Variants in PCDH11X observed in about 807,000 individuals in gnomAD.
PCDH11X encodes the protein protocadherin-11 X-linked.
Under a neutral mutation model 53.3 loss-of-function variants are expected in PCDH11X, and 18 were observed. The ratio of observed to expected loss-of-function variants is 0.34; its 90% confidence interval spans 0.23 to 0.50. PCDH11X has a LOEUF of 0.50. Among genes scored for constraint, PCDH11X ranks in the 20% least tolerant of loss-of-function variants. The pLI is 0.98. For synonymous variants in PCDH11X, 279 were observed against 393.3 expected, an observed-to-expected ratio of 0.71 and a Z score of 3.44; for missense variants, 570 against 1,032.4, an observed-to-expected ratio of 0.55 and a Z score of 6.14.
chrX:92,439,421 A>G (rs2072462536), intron 9 of PCDH11X, among the ~76,000 whole-genome samples: 1 of 111,143 alleles, frequency 9.0e-6, no homozygotes, highest in South Asian at 3.8e-4. Context: ...GAGCCATAGG[A>G]TCTTCCTCCA....
At chrX:92,379,551 G>A (rs1389232013) in intron 8 of PCDH11X, among the ~76,000 whole-genome samples, 5 of 112,352 alleles carry the variant, frequency 4.5e-5, no homozygotes, top group Non-Finnish European at 9.4e-5. Context: ...GATTGATAGC[G>A]TCAGGAGGCA....
intron 10 of PCDH11X, among the ~76,000 whole-genome samples, chrX:92,471,868 A>T (rs999858055): frequency 1.8e-5 from 2 of 109,055 alleles, no homozygotes; most frequent in African/African-American, 6.7e-5. Flanking sequence ...AATGTTGTTG[A>T]GCTCTTTTCA....
intron 6 of PCDH11X, among the ~76,000 whole-genome samples, chrX:92,183,939 G>A (rs1235961316): frequency 1.9e-5 from 2 of 107,734 alleles, no homozygotes; most frequent in African/African-American, 6.8e-5. Context: ...CCATCTTCAT[G>A]TTAAAGTTTT....
chrX:92,555,508 C>T (rs2075032381), intron 10 of PCDH11X, among the ~76,000 whole-genome samples: 1 of 111,915 alleles, frequency 8.9e-6, no homozygotes, highest in African/African-American at 3.3e-5. Flanking sequence ...AAATACGAAT[C>T]ATACAGATTA....
intron 10 of PCDH11X, among the ~76,000 whole-genome samples, chrX:92,471,531 TATC>T (rs1172520175): frequency 3.6e-5 from 4 of 110,812 alleles, no homozygotes; most frequent in Non-Finnish European, 7.6e-5. Context: ...TTTAGGTTGA[TATC>T]ATATCTTTGC....
intron 7 of PCDH11X, among the ~76,000 whole-genome samples, chrX:92,231,984 A>C (rs1269620925): frequency 1.8e-5 from 2 of 111,741 alleles, no homozygotes; most frequent in South Asian, 7.6e-4. Flanking sequence ...CTTAGGCCAC[A>C]CTTGGAGATT....
At chrX:92,271,100 G>T (rs957664305) in intron 8 of PCDH11X, among the ~76,000 whole-genome samples, 1 of 112,308 alleles carries the variant, frequency 8.9e-6, no homozygotes, top group African/African-American at 3.2e-5. Flanking sequence ...AATGTTTGTT[G>T]TGCAGATTTA....
chrX:92,054,078 C>T (rs940162695), intron 6 of PCDH11X, among the ~76,000 whole-genome samples: 2 of 111,870 alleles, frequency 1.8e-5, no homozygotes, highest in Non-Finnish European at 3.8e-5. Context: ...GATTCCATTT[C>T]ACAATCATTT....
intron 6 of PCDH11X, among the ~76,000 whole-genome samples, chrX:91,892,191 A>G (rs1940521449): frequency 9.3e-6 from 1 of 107,873 alleles, no homozygotes. Context: ...CAACAGCTAT[A>G]TTATGTTGAT....
intron 5 of PCDH11X, among the ~76,000 whole-genome samples, chrX:91,859,768 G>C (rs1249926835): frequency 9.5e-6 from 1 of 104,977 alleles, no homozygotes; most frequent in Non-Finnish European, 1.9e-5. Flanking sequence ...AGATCAGATG[G>C]TTGTAGGTGT....
At chrX:91,853,469 T>A (rs1307382555) in intron 5 of PCDH11X, among the ~76,000 whole-genome samples, 3 of 109,074 alleles carry the variant, frequency 2.8e-5, no homozygotes, top group Non-Finnish European at 5.7e-5. Flanking sequence ...ATGAGTATAT[T>A]GGTATATGTA....
At chrX:92,148,123 T>C (rs1469469622) in intron 6 of PCDH11X, among the ~76,000 whole-genome samples, 8 of 17,319 alleles carry the variant, frequency 4.6e-4, no homozygotes, top group East Asian at 7.1e-3. Flanking sequence ...TCTTTCTTTC[T>C]TTCTTTCTTT....
At chrX:91,905,093 TTTTG>T (rs1055272389) in intron 6 of PCDH11X, among the ~76,000 whole-genome samples, 16 of 95,649 alleles carry the variant, frequency 1.7e-4, no homozygotes, top group African/African-American at 6.0e-4. Flanking sequence ...TTTTTTACTT[TTTTG>T]TTTATTATTA....
At chrX:91,871,172 A>G (rs1939282643) in intron 5 of PCDH11X, among the ~76,000 whole-genome samples, 1 of 109,721 alleles carries the variant, frequency 9.1e-6, no homozygotes, top group African/African-American at 3.3e-5. Flanking sequence ...TTATGATAAT[A>G]CTTATTATAT....
chrX:91,790,777 C>T (rs765456675), intron 1 of PCDH11X, among the ~76,000 whole-genome samples: 1 of 111,237 alleles, frequency 9.0e-6, no homozygotes, highest in African/African-American at 3.3e-5. Context: ...GTTCTCATTT[C>T]TTTATGTGCA....
chrX:92,269,855 T>C (rs2067913922), intron 8 of PCDH11X, among the ~76,000 whole-genome samples: 1 of 111,475 alleles, frequency 9.0e-6, no homozygotes, highest in South Asian at 3.7e-4. Context: ...TTAATTACAT[T>C]CCCCTCCTGA....
chrX:92,048,676 G>A (rs2063327036), intron 6 of PCDH11X, among the ~76,000 whole-genome samples: 1 of 111,634 alleles, frequency 9.0e-6, no homozygotes, highest in Non-Finnish European at 1.9e-5. Context: ...AATTCATTCT[G>A]TGGCATTGGT....
chrX:92,602,334 T>C (rs1279993371), intron 10 of PCDH11X, among the ~76,000 whole-genome samples: 1 of 112,164 alleles, frequency 8.9e-6, no homozygotes, highest in African/African-American at 3.2e-5. Flanking sequence ...TAAAAGACTG[T>C]AGATTAGCTG....
At chrX:92,186,944 G>A (rs2148300662) in intron 6 of PCDH11X, among the ~76,000 whole-genome samples, 1 of 111,929 alleles carries the variant, frequency 8.9e-6, no homozygotes, top group Non-Finnish European at 1.9e-5. Flanking sequence ...CGTAAGTTAT[G>A]TGTCAACTAA....
Sources: gnomAD v4.1 joint callset for allele counts (sites outside exome capture counted in the v4.1 genomes callset) on GRCh38, gnomAD v4.1.1 for gene constraint, MANE v1.5 for transcripts, NCBI Gene and HGNC (gene_info 2026-07-23, HGNC 2026-07-21) for gene names.